RSRC1: variants seen among roughly 807,000 people sequenced by gnomAD.
RSRC1 encodes arginine and serine rich coiled-coil 1.
A neutral mutation model predicts 49.1 loss-of-function variants in RSRC1; 39 were observed. That is an observed-to-expected ratio of 0.79 (90% CI 0.61 to 1.04). The LOEUF (loss-of-function observed/expected upper bound fraction) is 1.04. Ranked by LOEUF, RSRC1 falls within the 50% of genes least tolerant of loss-of-function variation. The pLI is 0.00. For synonymous variants in RSRC1, 143 were observed against 130.8 expected (o/e 1.09, Z -0.63); for missense variants, 388 against 402.4 (o/e 0.96, Z 0.31).
intron 7 of RSRC1, among the ~76,000 whole-genome samples, chr3:158,514,701 A>G (rs956689425): frequency 8.6e-5 from 13 of 151,886 alleles, no homozygotes; most frequent in African/African-American, 3.1e-4. Flanking sequence ...TGATCTGTCT[A>G]ATGTTGACAG....
Position 158,513,498 on chromosome 3 carries a change from T to G in RSRC1, c.653-23594T>G, listed in dbSNP as rs536959760. Among the ~76,000 whole-genome samples the G allele has an allele frequency of 1.2e-4, 19 of 152,322 alleles. No individual in the cohort carries two copies. The East Asian group carries it at 3.3e-3, about 26-fold the overall frequency. ...ATCATGGTGGATAAGCTTTTTGATG[T>G]GCTGCTGGATTCAGTTTGCCAGTAT... On this transcript the variant is annotated intron_variant, in intron 7 of 9. Coordinates refer to ENST00000611884, the MANE Select transcript of RSRC1 (RefSeq NM_001271838.2).
chr3:158,375,752 A>T (rs963198580), intron 6 of RSRC1, among the ~76,000 whole-genome samples: 10 of 152,124 alleles, frequency 6.6e-5, no homozygotes, highest in Non-Finnish European at 1.5e-4. Flanking sequence ...ATTCTTTTAA[A>T]TTTTACTTCC....
At chr3:158,512,434 G>A (rs1004907698) in intron 7 of RSRC1, among the ~76,000 whole-genome samples, 2 of 150,776 alleles carry the variant, frequency 1.3e-5, no homozygotes, top group Admixed American at 6.6e-5. Context: ...TAGATATGCG[G>A]CGTTATTTCT....
At chr3:158,221,428 T>C (rs953822632) in intron 4 of RSRC1, among the ~76,000 whole-genome samples, 10 of 151,474 alleles carry the variant, frequency 6.6e-5, no homozygotes, top group African/African-American at 2.4e-4. Flanking sequence ...TGGTATGCAG[T>C]ATGCCGATGC....
chr3:158,309,634 T>G (rs17486183), intron 5 of RSRC1, among the ~76,000 whole-genome samples: 18,427 of 151,742 alleles, frequency 0.12, 1,381 homozygotes, highest in Middle Eastern at 0.2. Context: ...TACACTCTTA[T>G]AAAAAACTAC....
chr3:158,240,278 G>C (rs1334950293), intron 4 of RSRC1, among the ~76,000 whole-genome samples: 1 of 152,024 alleles, frequency 6.6e-6, no homozygotes, highest in African/African-American at 2.4e-5. Context: ...TTGGTTTTTG[G>C]TAGTTAACCT....
rs1189584015 is a variant in RSRC1 at position 158,539,083 on chromosome 3, G to A, written c.759+1885G>A. Among the ~76,000 whole-genome samples, 1 of 141,436 alleles carries A rather than the reference G, an allele frequency of 7.1e-6. No homozygotes were observed. Among genetic ancestry groups the A allele is most frequent in the East Asian group, 2.0e-4 (1 of 5,084 alleles). The allele number at this position is 141,436 out of a possible 152,430, so 92.8% of individuals were successfully genotyped here. A position where few individuals can be genotyped will look rare whatever the true frequency, so the allele number is the denominator to read the frequency against. On this transcript the variant is annotated intron_variant, in intron 8 of 9. Transcript: ENST00000611884. This position sits in a 1 kb window ranked among gnomAD's most constrained non-coding sequence, Gnocchi z 4.1. Reference sequence around the variant, plus strand: ...ATCCAGATCATGGAAGGATATGATGGACTATCCCTAATGCATAGCAAGGAT... The same window carrying A: ...ATCCAGATCATGGAAGGATATGATGAACTATCCCTAATGCATAGCAAGGAT...
intron 3 of RSRC1, among the ~76,000 whole-genome samples, chr3:158,159,357 A>T (rs975964544): frequency 4.6e-5 from 7 of 152,222 alleles, no homozygotes; most frequent in Non-Finnish European, 1.0e-4. Context: ...GGACTTTTGA[A>T]ATAAGAGTCA....
intron 7 of RSRC1, among the ~76,000 whole-genome samples, chr3:158,519,374 A>G (rs1711536750): frequency 1.3e-5 from 2 of 151,758 alleles, no homozygotes; most frequent in Non-Finnish European, 2.9e-5. Flanking sequence ...TTTCTTTACT[A>G]TCTCTTGTGC....
At chr3:158,276,612 AT>A (rs1725833664) in intron 4 of RSRC1, among the ~76,000 whole-genome samples, 1 of 152,158 alleles carries the variant, frequency 6.6e-6, no homozygotes, top group African/African-American at 2.4e-5. Flanking sequence ...CCTATACTTT[AT>A]TTATTTTTTT....
chr3:158,471,497 G>A (rs73172127), intron 7 of RSRC1, among the ~76,000 whole-genome samples: 17,743 of 152,142 alleles, frequency 0.12, 1,274 homozygotes, highest in South Asian at 0.19. Flanking sequence ...AGAGATCAGG[G>A]TAATGGGATT....
intron 5 of RSRC1, among the ~76,000 whole-genome samples, chr3:158,341,982 GT>G (rs1730271901): frequency 6.6e-6 from 1 of 152,170 alleles, no homozygotes; most frequent in Non-Finnish European, 1.5e-5. Flanking sequence ...CATGGGCCCT[GT>G]AACCCCTTTC....
At chr3:158,419,698 A>G (rs953418483) in intron 6 of RSRC1, among the ~76,000 whole-genome samples, 4 of 151,658 alleles carry the variant, frequency 2.6e-5, no homozygotes, top group Non-Finnish European at 5.9e-5. Flanking sequence ...CTTTTGTGCC[A>G]CCTTTATAGA....
At chr3:158,266,752 T>TC (rs1182636326) in intron 4 of RSRC1, among the ~76,000 whole-genome samples, 14 of 152,200 alleles carry the variant, frequency 9.2e-5, no homozygotes, top group Non-Finnish European at 1.9e-4. Flanking sequence ...TTCTTTTTTT[T>TC]CCCCCTCTTT....
At chr3:158,241,783 T>C (rs1723593979) in intron 4 of RSRC1, among the ~76,000 whole-genome samples, 1 of 152,000 alleles carries the variant, frequency 6.6e-6, no homozygotes, top group South Asian at 2.1e-4. Context: ...TTTTAAAAAG[T>C]ATCTTGAAAG....
chr3:158,412,115 G>T (rs1338546941), intron 6 of RSRC1, among the ~76,000 whole-genome samples: 5 of 151,910 alleles, frequency 3.3e-5, no homozygotes, highest in Admixed American at 6.6e-5. Context: ...TTTCCAATTC[G>T]CCTAAAGACA....
intron 8 of RSRC1, among the ~76,000 whole-genome samples, chr3:158,541,424 C>T (rs1206611736): frequency 1.3e-5 from 2 of 152,198 alleles, no homozygotes; most frequent in Non-Finnish European, 2.9e-5. Flanking sequence ...CCATTAGCAA[C>T]ATATAATTGC....
chr3:158,323,297 G>T (rs1317036541), intron 5 of RSRC1, among the ~76,000 whole-genome samples: 4 of 152,064 alleles, frequency 2.6e-5, no homozygotes, highest in Admixed American at 2.6e-4. Context: ...CTCCTTAGGG[G>T]TTTCCTCTGT....
chr3:158,530,826 A>T (rs942011535), intron 7 of RSRC1, among the ~76,000 whole-genome samples: 2 of 151,142 alleles, frequency 1.3e-5, no homozygotes, highest in African/African-American at 4.9e-5. Context: ...GCGCACCAGC[A>T]TGGCACGTGT....
Sources: allele counts gnomAD v4.1 joint callset (sites outside exome capture counted in the v4.1 genomes callset), GRCh38; gene constraint gnomAD v4.1.1; non-coding constraint Gnocchi (gnomAD v3.1); transcripts MANE v1.5; gene names NCBI Gene and HGNC (gene_info 2026-07-23, HGNC 2026-07-21).